The following TG variants were observed in gnomAD, a reference collection of about 807,000 sequenced individuals.
TG encodes thyroid hormones.
TG carries 270 observed loss-of-function variants against 324.7 expected under a neutral mutation model. The observed-to-expected ratio is 0.83, with a 90% CI of 0.75 to 0.92. The LOEUF is 0.92. Ranked by LOEUF, TG falls within the 40% of genes least tolerant of loss-of-function variation. The pLI is 0.00. For synonymous variants in TG, 1,401 were observed against 1,327.0 expected, an observed-to-expected ratio of 1.06 and a Z score of -1.21; for missense variants, 3,591 against 3,456.4, an observed-to-expected ratio of 1.04 and a Z score of -0.98.
chr8:133,043,077 CAG>C (rs1838621584), intron 41 of TG, among the ~76,000 whole-genome samples: 1 of 152,172 alleles, frequency 6.6e-6, no homozygotes, highest in South Asian at 2.1e-4. Flanking sequence ...GCATAGGAAA[CAG>C]TTCCGGTTTT....
intron 8 of TG, among the ~76,000 whole-genome samples, chr8:132,883,839 C>A (rs577726943): frequency 1.0e-3 from 152 of 152,274 alleles, no homozygotes; most frequent in Non-Finnish European, 1.7e-3. Context: ...TAATAAATCA[C>A]CACAAAGTGG....
At chr8:132,977,459 T>C (rs1332930259) in intron 34 of TG, among the ~76,000 whole-genome samples, 1 of 152,166 alleles carries the variant, frequency 6.6e-6, no homozygotes, top group Non-Finnish European at 1.5e-5. Flanking sequence ...TAACACTATG[T>C]ATTAGTCCAT....
chr8:132,983,549 C>T, intron 35 of TG, 137 bp downstream of exon 35: 1 of 898,342 alleles, frequency 1.1e-6, no homozygotes, highest in Non-Finnish European at 1.9e-6. Context: ...ATGAATTAAA[C>T]ACATGTATAA....
At chr8:132,890,245 T>G (rs1264266217) in intron 10 of TG, among the ~76,000 whole-genome samples, 1 of 152,216 alleles carries the variant, frequency 6.6e-6, no homozygotes. Context: ...ATTAATATTT[T>G]CATTTTTGCA....
intron 41 of TG, among the ~76,000 whole-genome samples, chr8:133,063,336 C>T (rs1842651224): frequency 6.6e-6 from 1 of 151,688 alleles, no homozygotes; most frequent in Non-Finnish European, 1.5e-5. Context: ...GCTCCCACCA[C>T]AATGTCTGAT....
intron 41 of TG, among the ~76,000 whole-genome samples, chr8:133,072,640 C>T (rs566475196): frequency 6.6e-6 from 1 of 152,306 alleles, no homozygotes; most frequent in South Asian, 2.1e-4. Context: ...ACATAAAACC[C>T]AGCAGCATCT....
In TG at chr8:133,041,784, G is replaced by GTTT. The variant is rs529937626; in HGVS notation, c.7239+11782_7239+11784dup. On this transcript the variant is annotated intron_variant, in intron 41 of 47. Coordinates refer to ENST00000220616, the MANE Select transcript of TG (RefSeq NM_003235.5). The stretch of plus-strand genomic sequence containing the variant: ...TGAGGCCTTGATCAGCTTGTGGTCA[G>GTTT]TTTTTTTTTTTTTTTTTTTTTTTAG... Among the ~76,000 whole-genome samples the GTTT allele has an allele frequency of 8.6e-4, 107 of 124,386 alleles. 1 individual carries two copies. The highest frequency in any genetic ancestry group is 2.8e-3 in the African/African-American group (89 of 31,562). 81.6% of individuals were successfully genotyped at this position (124,386 alleles called of 152,430 possible).
At chr8:133,130,318 G>C (rs1851844306) in intron 45 of TG, among the ~76,000 whole-genome samples, 1 of 152,190 alleles carries the variant, frequency 6.6e-6, no homozygotes, top group Non-Finnish European at 1.5e-5. Context: ...AAATGTCCAA[G>C]TCCTAAACCC....
At chr8:132,886,231 T>C (rs1057289054) in intron 8 of TG, among the ~76,000 whole-genome samples, 1 of 152,112 alleles carries the variant, frequency 6.6e-6, no homozygotes, top group Non-Finnish European at 1.5e-5. Context: ...GGTGGAGTGG[T>C]CATGCCAACT....
intron 41 of TG, among the ~76,000 whole-genome samples, chr8:133,042,083 G>A (rs888848087): frequency 6.6e-6 from 1 of 151,898 alleles, no homozygotes; most frequent in East Asian, 1.9e-4. Flanking sequence ...CACCACACCC[G>A]GCTGTCAGTG....
chr8:133,101,920 T>C (rs1849306829), intron 43 of TG, among the ~76,000 whole-genome samples: 1 of 152,160 alleles, frequency 6.6e-6, no homozygotes. Flanking sequence ...AGGGAGAGTG[T>C]CCTGGGTGTC....
chr8:133,096,233 T>C lies in TG; in HGVS notation c.7432T>C (p.Tyr2478His), dbSNP rs767523971. 6.2e-7 allele frequency: 1 copy of C among 1,614,230 alleles called. No homozygotes were observed. The highest frequency in any genetic ancestry group is 1.7e-5 in the Admixed American group (1 of 60,032). ...CCTGGCCGTGAGTGGCCCTTTCCAC[T>C]ACTGGGGTCCTGTGATCGATGGCCA... ...KLLAVSGPFH[Y>H]WGPVIDGHFL... Residue 2478 changes from tyrosine (Y) to histidine (H), a missense_variant, in exon 43 of 48, where the codon TAC becomes CAC. Tyr to His is a moderately conservative substitution (Grantham distance 83). Transcript: ENST00000220616.
At position 132,873,202 on chromosome 8, in the gene TG, C is replaced by G; in HGVS notation, c.619C>G (p.Leu207Val). The change falls in exon 5 of 48, where the codon CTG (leucine) becomes GTG (valine). Residue 207 changes from leucine (L) to valine (V), a missense_variant. Coordinates refer to ENST00000220616, the MANE Select transcript of TG (RefSeq NM_003235.5). Reference sequence around the variant, plus strand: ...CACCACAGACATGATGATTTTTGATCTGGTCCACAGCTACAACAGGTAAGG... The same window carrying G: ...CACCACAGACATGATGATTTTTGATGTGGTCCACAGCTACAACAGGTAAGG... ...VNTTDMMIFD[L>V]VHSYNRFPDA... is the part of the protein sequence containing the mutation. 6.2e-7 allele frequency: 1 copy of G among 1,614,140 alleles called. No homozygotes were observed. Among genetic ancestry groups the G allele is most frequent in the Non-Finnish European group, 8.5e-7 (1 of 1,180,022 alleles).
intron 2 of TG, among the ~76,000 whole-genome samples, chr8:132,869,456 C>A (rs1839270713): frequency 6.6e-6 from 1 of 152,206 alleles, no homozygotes; most frequent in Non-Finnish European, 1.5e-5. Flanking sequence ...AAGCCCTGCA[C>A]TCCAGGGTGG....
chr8:132,998,175 A>G (rs1833060509), intron 35 of TG, among the ~76,000 whole-genome samples: 2 of 152,128 alleles, frequency 1.3e-5, no homozygotes, highest in Admixed American at 6.5e-5. Context: ...ATCAAGAGGG[A>G]AAGATAAAAT....
chr8:133,029,773 C>T, intron 40 of TG, 48 bp from the exon 41 acceptor site: 1 of 1,611,700 alleles, frequency 6.2e-7, no homozygotes, highest in Non-Finnish European at 8.5e-7. Context: ...TTTTCAAATC[C>T]AAGGTTGTAA....
rs925356950 is a variant in TG, at chr8:132,999,059, A to G, written c.6263-12842A>G. Among the ~76,000 whole-genome samples, 5 of 152,188 alleles carry G rather than the reference A, an allele frequency of 3.3e-5. No homozygotes were observed. The South Asian group carries it at 1.0e-3, about 31-fold the overall frequency. ...CCTCCAAGAACCAGGACTGCAGCCCAGAGTGAAGGAGGGGACATTACAGTC... is the reference window on the plus strand; with the variant it reads ...CCTCCAAGAACCAGGACTGCAGCCCGGAGTGAAGGAGGGGACATTACAGTC... On this transcript the variant is annotated intron_variant, in intron 35 of 47. Transcript: ENST00000220616.
intron 46 of TG, 133 bp downstream of exon 46, chr8:133,132,079 T>C (rs1851987137): frequency 7.3e-7 from 1 of 1,370,680 alleles, no homozygotes; most frequent in South Asian, 1.2e-5. Context: ...CACCAGCCAC[T>C]GGCCTCCCTG....
intron 41 of TG, among the ~76,000 whole-genome samples, chr8:133,077,057 C>G (rs775518018): frequency 5.3e-5 from 8 of 152,116 alleles, no homozygotes; most frequent in Non-Finnish European, 1.0e-4. Context: ...CTACTTTGCA[C>G]AGGTGGCCAG....
Sources: allele counts gnomAD v4.1 joint callset (sites outside exome capture counted in the v4.1 genomes callset), GRCh38; gene constraint gnomAD v4.1.1; transcripts MANE v1.5; gene names NCBI Gene and HGNC (gene_info 2026-07-23, HGNC 2026-07-21).